The following PDE6C variants were observed in gnomAD, a reference collection of about 807,000 sequenced individuals.
The protein encoded by PDE6C is phosphodiesterase 6C.
A neutral mutation model predicts 113.1 loss-of-function variants in PDE6C; 75 were observed. The observed-to-expected ratio is 0.66, with a 90% CI of 0.55 to 0.80. The LOEUF (loss-of-function observed/expected upper bound fraction) is 0.80. Among genes scored for constraint, PDE6C ranks in the 30% least tolerant of loss-of-function variants. The pLI is 0.00. For missense variants in PDE6C, 912 were observed against 1,038.6 expected (o/e 0.88, Z 1.67); for synonymous variants, 375 against 363.7 (o/e 1.03, Z -0.35).
intron 18 of PDE6C, among the ~76,000 whole-genome samples, chr10:93,660,436 G>C (rs1340139172): frequency 6.6e-6 from 1 of 152,152 alleles, no homozygotes; most frequent in Non-Finnish European, 1.5e-5. Context: ...TGGCATCTTT[G>C]TGTCTCTGGC....
In PDE6C at chr10:93,622,163, A is replaced by C. The variant is rs893347157; in HGVS notation, c.864+91A>C. ...GTGATCCTTAAAAAACAGATACACTATGTAAATAATTAGTCATGATTGATG... is the reference window on the plus strand; with the variant it reads ...GTGATCCTTAAAAAACAGATACACTCTGTAAATAATTAGTCATGATTGATG... On this transcript the variant is annotated intron_variant, in intron 4 of 21. Transcript: ENST00000371447. The C allele has an allele frequency of 1.1e-5, 14 of 1,226,448 alleles. No individual in the cohort carries two copies. The African/African-American group carries it at 2.1e-4, about 18-fold the overall frequency. 76.0% of individuals were successfully genotyped at this position (1,226,448 alleles called of 1,614,324 possible).
chr10:93,641,375 G>A (rs2134612564), intron 14 of PDE6C, among the ~76,000 whole-genome samples: 1 of 152,236 alleles, frequency 6.6e-6, no homozygotes, highest in East Asian at 1.9e-4. Flanking sequence ...GCTCGCACCT[G>A]AAATCCCAGC....
intron 8 of PDE6C, 140 bp from the exon 9 acceptor site, chr10:93,634,618 A>G (rs1242650410): frequency 2.5e-6 from 2 of 807,658 alleles, no homozygotes; most frequent in Non-Finnish European, 4.1e-6. Context: ...TAGTTGTCTA[A>G]CCATCATTAC....
intron 1 of PDE6C, among the ~76,000 whole-genome samples, chr10:93,619,523 T>A (rs2134592881): frequency 6.6e-6 from 1 of 152,234 alleles, no homozygotes; most frequent in East Asian, 1.9e-4. Flanking sequence ...GTCTCCCGGG[T>A]TCAAGCGACT....
At chr10:93,615,126 T>C (rs1229567579) in intron 1 of PDE6C, among the ~76,000 whole-genome samples, 1 of 152,116 alleles carries the variant, frequency 6.6e-6, no homozygotes, top group East Asian at 1.9e-4. Context: ...CCCCCGTCTC[T>C]ACCAAAAATA....
chr10:93,649,552 G>C (rs1055114853), intron 15 of PDE6C, among the ~76,000 whole-genome samples: 3 of 152,142 alleles, frequency 2.0e-5, no homozygotes, highest in Non-Finnish European at 4.4e-5. Context: ...TTTTAAGCCA[G>C]AGTTGGTTTT....
rs191504722 is a variant in PDE6C at position 93,646,084 on chromosome 10, T to C, written c.1935+37T>C. 2.1e-5 allele frequency: 26 copies of C among 1,213,766 alleles called. 1 individual carries two copies. The Admixed American group carries it at 4.0e-4, about 19-fold the overall frequency. The allele number at this position is 1,213,766 out of a possible 1,614,324, so 75.2% of individuals were successfully genotyped here. On this transcript the variant is annotated intron_variant, in intron 15 of 21. Transcript: ENST00000371447. Reference sequence around the variant, plus strand: ...TCTCTTTAGGACAGCTAAACACAAATTCTGGATCAAAGCACTAACCCACAG... The same window carrying C: ...TCTCTTTAGGACAGCTAAACACAAACTCTGGATCAAAGCACTAACCCACAG...
Position 93,663,097 on chromosome 10 carries a change from A to G in PDE6C, c.2437A>G (p.Lys813Glu). ...TCTTCAGAATAACAGAGTAGAATGG[A>G]AATCACTAGCTGATGAGTATGATGC... is the stretch of plus-strand genomic sequence containing the variant. ...SGLQNNRVEW[K>E]SLADEYDAKM... The change falls in exon 21 of 22, where the codon AAA (lysine) becomes GAA (glutamate). Residue 813 changes from lysine to glutamate, a missense_variant. Physicochemically the swap from Lys to Glu is moderately conservative, Grantham distance 56. Transcript: ENST00000371447. 6.2e-7 allele frequency: 1 copy of G among 1,613,552 alleles called. No homozygotes were observed. Among genetic ancestry groups the G allele is most frequent in the East Asian group, 2.2e-5 (1 of 44,820 alleles).
chr10:93,644,794 A>G (rs978219341), intron 14 of PDE6C, among the ~76,000 whole-genome samples: 2 of 143,560 alleles, frequency 1.4e-5, no homozygotes, highest in African/African-American at 5.0e-5. Flanking sequence ...ATATATATAT[A>G]TAGTATATAT....
intron 21 of PDE6C, among the ~76,000 whole-genome samples, chr10:93,663,402 G>A (rs113272209): frequency 6.6e-6 from 1 of 152,184 alleles, no homozygotes; most frequent in Non-Finnish European, 1.5e-5. Flanking sequence ...TCCAGTTGAA[G>A]TAGAGGTTGG....
At chr10:93,627,449 A>G (rs754764411) in intron 7 of PDE6C, among the ~76,000 whole-genome samples, 7 of 152,090 alleles carry the variant, frequency 4.6e-5, no homozygotes, top group Non-Finnish European at 8.8e-5. Flanking sequence ...CATTTCAGAT[A>G]TCCTTTGGAA....
chr10:93,629,479 A>C (rs1329538460), intron 8 of PDE6C, among the ~76,000 whole-genome samples, 174 bp downstream of exon 8: 1 of 152,144 alleles, frequency 6.6e-6, no homozygotes, highest in Admixed American at 6.5e-5. Context: ...TCTTCAGTGA[A>C]GGAAGAAAAG....
At chr10:93,641,407 C>T (rs1589700155) in intron 14 of PDE6C, among the ~76,000 whole-genome samples, 1 of 151,924 alleles carries the variant, frequency 6.6e-6, no homozygotes, top group Non-Finnish European at 1.5e-5. Flanking sequence ...GTGAGGCGGG[C>T]GGATCAAGTG....
intron 1 of PDE6C, among the ~76,000 whole-genome samples, chr10:93,616,892 T>A (rs2058422591): frequency 6.6e-6 from 1 of 152,210 alleles, no homozygotes; most frequent in Admixed American, 6.5e-5. Context: ...GACCTCGTGA[T>A]CTGCCCACAT....
At chr10:93,642,813 G>A (rs1334545496) in intron 14 of PDE6C, among the ~76,000 whole-genome samples, 1 of 152,198 alleles carries the variant, frequency 6.6e-6, no homozygotes, top group East Asian at 1.9e-4. Context: ...AAAGCACTTT[G>A]TAAGCAGTGA....
At chr10:93,616,102 T>G (rs1332095694) in intron 1 of PDE6C, among the ~76,000 whole-genome samples, 1 of 152,220 alleles carries the variant, frequency 6.6e-6, no homozygotes, top group Admixed American at 6.5e-5. Context: ...ACTTGACAAT[T>G]TAAACAACAT....
chr10:93,658,184 A>AAAAG (rs1554891861), intron 16 of PDE6C, among the ~76,000 whole-genome samples: 11 of 144,014 alleles, frequency 7.6e-5, no homozygotes, highest in Non-Finnish European at 1.4e-4. Flanking sequence ...AAAAAAAAAA[A>AAAAG]AAAAAAAAGA....
chr10:93,647,708 C>T (rs1004400842), intron 15 of PDE6C, among the ~76,000 whole-genome samples: 1 of 152,178 alleles, frequency 6.6e-6, no homozygotes, highest in Non-Finnish European at 1.5e-5. Context: ...CCCCATTCTC[C>T]ACTTACTGAC....
At chr10:93,641,246 C>G (rs1478673166) in intron 14 of PDE6C, among the ~76,000 whole-genome samples, 1 of 152,146 alleles carries the variant, frequency 6.6e-6, no homozygotes, top group African/African-American at 2.4e-5. Context: ...TTTCTGTTTT[C>G]ATTTCCAGAT....
Sources: allele counts gnomAD v4.1 joint callset (sites outside exome capture counted in the v4.1 genomes callset), GRCh38; gene constraint gnomAD v4.1.1; transcripts MANE v1.5; gene names NCBI Gene and HGNC (gene_info 2026-07-23, HGNC 2026-07-21).